MCM2: variants seen among roughly 807,000 people sequenced by gnomAD.
MCM2 encodes the protein minichromosome maintenance complex component 2.
In MCM2, 49 loss-of-function variants were observed where a neutral mutation model predicts 86.4. The observed-to-expected ratio is 0.57, with a 90% CI of 0.45 to 0.72. The LOEUF (loss-of-function observed/expected upper bound fraction) is 0.72, where lower values mean the gene tolerates loss of function less well. Among genes scored for constraint, MCM2 ranks in the 30% least tolerant of loss-of-function variants. The probability of loss-of-function intolerance (pLI) is 0.00; values close to 1 mark genes in which losing one functional copy is unlikely to be tolerated. For missense variants in MCM2, 1,038 were observed against 1,259.9 expected (o/e 0.82, Z 2.67); for synonymous variants, 475 against 484.6 (o/e 0.98, Z 0.26).
chr3:127,608,173 C>T (rs1015774544), intron 6 of MCM2, among the ~76,000 whole-genome samples: 4 of 152,164 alleles, frequency 2.6e-5, no homozygotes, highest in African/African-American at 4.8e-5. Flanking sequence ...TGAGTCTGGC[C>T]GTCAGAAGGC....
chr3:127,600,894 C>CTT (rs1025460406), intron 2 of MCM2, among the ~76,000 whole-genome samples: 1 of 146,464 alleles, frequency 6.8e-6, no homozygotes, highest in Non-Finnish European at 1.5e-5. Flanking sequence ...AAAAAAAAAA[C>CTT]TTTATTGGGC....
At position 127,614,033 on chromosome 3, in the gene MCM2, A is replaced by G. The variant is rs17497090; in HGVS notation, c.1429-1829A>G. ...CCCTCATGGCCTGATCACCCCTTAA[A>G]GGTCCCACCTTTTAATACTGTTAAA... On this transcript the variant is annotated intron_variant, in intron 8 of 15. Coordinates refer to ENST00000265056, the MANE Select transcript of MCM2 (RefSeq NM_004526.4). Among the ~76,000 whole-genome samples the G allele has an allele frequency of 5.0e-3, 754 of 152,280 alleles. 6 individuals carry two copies. The highest frequency in any genetic ancestry group is 0.017 in the African/African-American group (718 of 41,552).
Position 127,620,694 on chromosome 3 carries a change from C to G in MCM2, c.2266-4C>G. The G allele has an allele frequency of 1.3e-6, 2 of 1,584,078 alleles. No individual in the cohort carries two copies. Among genetic ancestry groups the G allele is most frequent in the Non-Finnish European group, 1.7e-6 (2 of 1,160,880 alleles). The stretch of plus-strand genomic sequence containing the variant: ...GAAAGACCTGACACTGTGCTTCTCT[C>G]CAGGCGACAGGCAGCATCCCCATTA... On this transcript the variant is annotated splice_region_variant and splice_polypyrimidine_tract_variant and intron_variant, in intron 13 of 15. Coordinates refer to ENST00000265056, the MANE Select transcript of MCM2 (RefSeq NM_004526.4).
chr3:127,618,007 G>A lies in MCM2; in HGVS notation c.1939G>A (p.Val647Met), dbSNP rs780313878. ...YDPSLTFSENVDLTEPIISRF... is the reference protein window; with the variant it reads ...YDPSLTFSENMDLTEPIISRF... ...CCCCTCGCTGACTTTCTCTGAGAAC[G>A]TGGACCTCACAGAGCCCATCATCTC... Residue 647 changes from valine to methionine, a missense_variant, in exon 12 of 16, where the codon GTG becomes ATG. By Grantham distance (21) the Val-to-Met change is conservative. Around this residue, in one of 4 missense-constraint regions of MCM2, gnomAD observed 336 missense variants for 425.7 expected, o/e 0.79. Transcript: ENST00000265056. The surrounding 1 kb of genome is among the most constrained non-coding windows in gnomAD (Gnocchi z 4.0). 9 of 1,614,042 alleles carry A rather than the reference G, an allele frequency of 5.6e-6. No individual in the cohort carries two copies. Among genetic ancestry groups the A allele is most frequent in the South Asian group, 2.2e-5 (2 of 91,078 alleles).
At position 127,609,041 on chromosome 3, in the gene MCM2, G is replaced by A. The variant is rs780010455; in HGVS notation, c.1428+18G>A. 34 of 1,611,800 alleles carry A rather than the reference G, an allele frequency of 2.1e-5. No individual in the cohort carries two copies. In the East Asian group the frequency reaches 7.4e-4, roughly 35 times the overall value. On this transcript the variant is annotated intron_variant, in intron 8 of 15. Transcript: ENST00000265056. ...GAGAGAAGGTAGGTGGAAGGCAGGGGCAGGGGCTGTCAGGATGCTGTGAGA... is the reference window on the plus strand; with the variant it reads ...GAGAGAAGGTAGGTGGAAGGCAGGGACAGGGGCTGTCAGGATGCTGTGAGA...
intron 2 of MCM2, among the ~76,000 whole-genome samples, chr3:127,604,033 C>A (rs529820164): frequency 5.9e-5 from 9 of 152,284 alleles, no homozygotes; most frequent in Non-Finnish European, 1.3e-4. Context: ...AAGTGATCCT[C>A]CTGCCTTCAC....
Position 127,604,969 on chromosome 3 carries a change from G to A in MCM2, c.486G>A (p.Glu162=), listed in dbSNP as rs2074334907. The A allele has an allele frequency of 1.2e-6, 2 of 1,613,778 alleles. No homozygotes were observed. Among genetic ancestry groups the A allele is most frequent in the East Asian group, 2.2e-5 (1 of 44,896 alleles). ...RQVERATEDG[E]EDEEMIESIE... is the part of the protein sequence containing the mutation. The stretch of plus-strand genomic sequence containing the variant: ...TGGAGCGGGCCACGGAGGACGGCGA[G>A]GAGGACGAGGAGATGATCGAGAGCA... Residue 162 remains glutamate (E), a synonymous_variant, in exon 4 of 16, where the codon GAG becomes GAA. Coordinates refer to ENST00000265056, the MANE Select transcript of MCM2 (RefSeq NM_004526.4).
chr3:127,599,270 T>A (rs766147619), intron 1 of MCM2, 48 bp from the exon 2 acceptor site: 2 of 1,515,312 alleles, frequency 1.3e-6, no homozygotes, highest in Admixed American at 1.7e-5. Context: ...AGCTGTATCA[T>A]GCCTCACCAG....
At chr3:127,611,081 C>T in intron 8 of MCM2, 2 of 413,278 alleles carry the variant, frequency 4.8e-6, no homozygotes, top group Non-Finnish European at 9.8e-6. Context: ...TGTAGTTTTA[C>T]ATGCGAGGAA....
Position 127,599,648 on chromosome 3 carries a change from G to A in MCM2, c.236+101G>A, listed in dbSNP as rs547803703. On this transcript the variant is annotated intron_variant, in intron 2 of 15. Coordinates refer to ENST00000265056, the MANE Select transcript of MCM2 (RefSeq NM_004526.4). Reference sequence around the variant, plus strand: ...GGGAGCTGGGAGCAGATGAATCGATGGCATTCTTGCCTTTGAGCACAGCTT... The same window carrying A: ...GGGAGCTGGGAGCAGATGAATCGATAGCATTCTTGCCTTTGAGCACAGCTT... The A allele has an allele frequency of 3.2e-5, 34 of 1,052,798 alleles. No homozygotes were observed. The African/African-American group carries it at 5.3e-4, about 16-fold the overall frequency. 65.2% of individuals were successfully genotyped at this position (1,052,798 alleles called of 1,614,324 possible).
Position 127,606,849 on chromosome 3 carries a change from G to C in MCM2, c.1101+32G>C, listed in dbSNP as rs774197092. On this transcript the variant is annotated intron_variant, in intron 6 of 15. Transcript: ENST00000265056. The surrounding 1 kb of genome is among the most constrained non-coding windows in gnomAD (Gnocchi z 4.2). ...GAGGACACAAGGTCTGCTGCCAGCTGTCCTTAGGGGTGCCCAGTATGCAGG... is the reference window on the plus strand; with the variant it reads ...GAGGACACAAGGTCTGCTGCCAGCTCTCCTTAGGGGTGCCCAGTATGCAGG... 6.2e-7 allele frequency: 1 copy of C among 1,606,852 alleles called. No individual in the cohort carries two copies. The highest frequency in any genetic ancestry group is 1.1e-5 in the South Asian group (1 of 90,922).
chr3:127,598,875 G>A, intron 1 of MCM2: 1 of 353,630 alleles, frequency 2.8e-6, no homozygotes, highest in Non-Finnish European at 5.1e-6. Flanking sequence ...CCTTTGTCTT[G>A]TATACTGTCT....
At chr3:127,610,139 C>G (rs896267154) in intron 8 of MCM2, among the ~76,000 whole-genome samples, 4 of 152,096 alleles carry the variant, frequency 2.6e-5, no homozygotes, top group Admixed American at 6.5e-5. Flanking sequence ...GCACCACGCC[C>G]GGCCTTCAAG....
chr3:127,615,955 G>C lies in MCM2; in HGVS notation c.1522G>C (p.Gly508Arg). 2 of 1,613,324 alleles carry C rather than the reference G, an allele frequency of 1.2e-6. No individual in the cohort carries two copies. The highest frequency in any genetic ancestry group is 4.5e-5 in the East Asian group (2 of 44,880). ...ALFGGEPKNP[G>R]GKHKVRGDIN... ...GTTCGGAGGGGAGCCCAAAAACCCAGGTGAGCACCCACCTTTCCTCTGCAG... is the reference window on the plus strand; with the variant it reads ...GTTCGGAGGGGAGCCCAAAAACCCACGTGAGCACCCACCTTTCCTCTGCAG... The change falls in exon 9 of 16, where the codon GGT becomes CGT. Residue 508 changes from glycine (G) to arginine (R), a missense_variant and splice_region_variant. Physicochemically the swap from Gly to Arg is moderately radical, Grantham distance 125 (BLOSUM62 -2). This residue lies in a region of MCM2 where 399 missense variants were observed against 507.2 expected (regional missense o/e 0.79). Coordinates refer to ENST00000265056, the MANE Select transcript of MCM2 (RefSeq NM_004526.4).
At chr3:127,611,096 GTCACAC>G (rs2074391706) in intron 8 of MCM2, 1 of 394,778 alleles carries the variant, frequency 2.5e-6, no homozygotes, top group African/African-American at 2.1e-5. Flanking sequence ...GAGGAAGACA[GTCACAC>G]AGGCAAAGAA....
At chr3:127,608,750 A>G (rs2074369729) in intron 7 of MCM2, 82 bp from the exon 8 acceptor site, 2 of 1,428,584 alleles carry the variant, frequency 1.4e-6, no homozygotes, top group East Asian at 4.6e-5. Context: ...AGCACTTGCA[A>G]TAGGAGAAAC....
chr3:127,599,164 G>A, intron 1 of MCM2, 154 bp from the exon 2 acceptor site: 2 of 696,832 alleles, frequency 2.9e-6, no homozygotes, highest in Non-Finnish European at 2.6e-6. Flanking sequence ...AGAACAGCAA[G>A]GGCAAAGATC....
rs937897142 is a variant in MCM2 at position 127,599,416 on chromosome 3, T to C, written c.105T>C (p.Thr35=). The change falls in exon 2 of 16, where the codon ACT becomes ACC. Residue 35 remains threonine, a synonymous_variant. Coordinates refer to ENST00000265056, the MANE Select transcript of MCM2 (RefSeq NM_004526.4). ...GCCCTGGCCGAAGCTCCCGGCGTAC[T>C]GATGCCCTCACCTCCAGCCCTGGCC... ...TSSPGRSSRR[T]DALTSSPGRD... The C allele has an allele frequency of 6.8e-6, 11 of 1,614,038 alleles. No homozygotes were observed. The highest frequency in any genetic ancestry group is 8.5e-6 in the Non-Finnish European group (10 of 1,180,036).
rs750496202 is a variant in MCM2, at chr3:127,620,781, G to A, written c.2349G>A (p.Arg783=). The A allele has an allele frequency of 8.7e-6, 14 of 1,614,022 alleles. No individual in the cohort carries two copies. The South Asian group carries it at 1.4e-4, about 16-fold the overall frequency. Reference sequence around the variant, plus strand: ...AGGCCCACGCGCGCATCCATCTGCGGGACTATGTGATCGAAGACGACGTCA... The same window carrying A: ...AGGCCCACGCGCGCATCCATCTGCGAGACTATGTGATCGAAGACGACGTCA... ...MAEAHARIHL[R]DYVIEDDVNM... Residue 783 remains arginine (R), a synonymous_variant, in exon 14 of 16, where the codon CGG becomes CGA. Coordinates refer to ENST00000265056, the MANE Select transcript of MCM2 (RefSeq NM_004526.4).
Sources: gnomAD v4.1 joint callset for allele counts (sites outside exome capture counted in the v4.1 genomes callset) on GRCh38, gnomAD v4.1.1 for gene constraint, gnomAD v4.1.1 regional missense constraint, Gnocchi (gnomAD v3.1) non-coding constraint, MANE v1.5 for transcripts, NCBI Gene and HGNC (gene_info 2026-07-23, HGNC 2026-07-21) for gene names.